The following JAZF1 variants were observed in gnomAD, a reference collection of about 807,000 sequenced individuals.
The protein encoded by JAZF1 is juxtaposed with another zinc finger protein 1.
A neutral mutation model predicts 26.4 loss-of-function variants in JAZF1; 8 were observed. The observed-to-expected ratio is 0.30, with a 90% CI of 0.18 to 0.55. The LOEUF is 0.55. JAZF1 is among the 20% of genes least tolerant of loss of function. The probability of loss-of-function intolerance (pLI) is 0.94; values close to 1 mark genes in which losing one functional copy is unlikely to be tolerated. For synonymous variants in JAZF1, 126 were observed against 122.3 expected, an observed-to-expected ratio of 1.03 and a Z score of -0.20; for missense variants, 199 against 322.0, an observed-to-expected ratio of 0.62 and a Z score of 2.92.
chr7:27,959,771 G>A (rs994707853), intron 2 of JAZF1, among the ~76,000 whole-genome samples: 2 of 152,038 alleles, frequency 1.3e-5, no homozygotes, highest in African/African-American at 4.8e-5. Context: ...ATGTTGGTGG[G>A]TGCCTGTAAT....
intron 2 of JAZF1, among the ~76,000 whole-genome samples, chr7:27,902,754 C>T (rs1214945705): frequency 6.6e-6 from 1 of 152,150 alleles, no homozygotes; most frequent in Admixed American, 6.5e-5. Context: ...CGGTGGCTCA[C>T]GCCTGTAATC....
chr7:27,986,988 G>T (rs1373416088), intron 2 of JAZF1, among the ~76,000 whole-genome samples: 1 of 152,108 alleles, frequency 6.6e-6, no homozygotes, highest in Non-Finnish European at 1.5e-5. Flanking sequence ...GTGCAGTGGC[G>T]TGATCTCGGC....
At chr7:27,934,564 C>T (rs1347398320) in intron 2 of JAZF1, among the ~76,000 whole-genome samples, 2 of 152,076 alleles carry the variant, frequency 1.3e-5, no homozygotes, top group African/African-American at 4.8e-5. Flanking sequence ...ACAGATGGTA[C>T]ACCTTGGCGG....
At chr7:28,095,708 C>T (rs746803860) in intron 1 of JAZF1, among the ~76,000 whole-genome samples, 12 of 152,138 alleles carry the variant, frequency 7.9e-5, no homozygotes, top group Non-Finnish European at 1.8e-4. Flanking sequence ...AATCATGGTC[C>T]CCTCCGCTGA....
chr7:28,009,568 C>A (rs1218209998), intron 1 of JAZF1, among the ~76,000 whole-genome samples: 1 of 151,944 alleles, frequency 6.6e-6, no homozygotes, highest in Non-Finnish European at 1.5e-5. Flanking sequence ...ACTGCAACCT[C>A]CGCCTCCCAG....
At chr7:28,043,988 G>A (rs986606030) in intron 1 of JAZF1, among the ~76,000 whole-genome samples, 1 of 152,132 alleles carries the variant, frequency 6.6e-6, no homozygotes, top group African/African-American at 2.4e-5. Flanking sequence ...GGGGAGGGTG[G>A]AGTAGGAAGA....
intron 2 of JAZF1, among the ~76,000 whole-genome samples, chr7:27,916,707 C>T (rs1784447541): frequency 6.6e-6 from 1 of 152,118 alleles, no homozygotes; most frequent in Non-Finnish European, 1.5e-5. Context: ...AAAATGCAAA[C>T]AACATGGCAC....
intron 3 of JAZF1, among the ~76,000 whole-genome samples, chr7:27,850,643 C>T (rs1783127559): frequency 6.6e-6 from 1 of 152,172 alleles, no homozygotes; most frequent in Non-Finnish European, 1.5e-5. Context: ...CAAGATAACA[C>T]AGCTTCAACT....
At chr7:28,011,283 A>G (rs1782793869) in intron 1 of JAZF1, among the ~76,000 whole-genome samples, 1 of 152,232 alleles carries the variant, frequency 6.6e-6, no homozygotes, top group Admixed American at 6.5e-5. Flanking sequence ...TAGTCTCTTG[A>G]AAGTTTACAT....
intron 1 of JAZF1, among the ~76,000 whole-genome samples, chr7:28,137,668 C>T (rs929202568): frequency 1.3e-5 from 2 of 152,134 alleles, no homozygotes; most frequent in Admixed American, 1.3e-4. Flanking sequence ...GATGCCTCCC[C>T]CTCTCCACAG....
At chr7:28,018,102 G>A (rs918681705) in intron 1 of JAZF1, among the ~76,000 whole-genome samples, 1 of 152,210 alleles carries the variant, frequency 6.6e-6, no homozygotes, top group Non-Finnish European at 1.5e-5. Context: ...CAACACGGAG[G>A]ATAGGAAAAG....
At chr7:27,944,249 G>C (rs1270101847) in intron 2 of JAZF1, among the ~76,000 whole-genome samples, 3 of 152,236 alleles carry the variant, frequency 2.0e-5, no homozygotes, top group African/African-American at 7.2e-5. Flanking sequence ...CATATCTGTA[G>C]TCTCTGTATT....
chr7:28,064,046 C>T (rs1783840603), intron 1 of JAZF1, among the ~76,000 whole-genome samples: 1 of 151,868 alleles, frequency 6.6e-6, no homozygotes, highest in Admixed American at 6.6e-5. Context: ...TAAAAGGTCA[C>T]ACCAGTCTAA....
chr7:28,080,516 G>A (rs1784118363), intron 1 of JAZF1, among the ~76,000 whole-genome samples: 1 of 152,200 alleles, frequency 6.6e-6, no homozygotes, highest in South Asian at 2.1e-4. Flanking sequence ...CTTTCAACAT[G>A]CCTTCCTCAC....
intron 1 of JAZF1, among the ~76,000 whole-genome samples, chr7:28,145,771 T>C (rs1783018183): frequency 6.6e-6 from 1 of 152,134 alleles, no homozygotes; most frequent in African/African-American, 2.4e-5. Flanking sequence ...CTTGTGCTTC[T>C]TCGTACAATC....
At chr7:28,106,516 CT>C (rs1205259054) in intron 1 of JAZF1, among the ~76,000 whole-genome samples, 2 of 152,154 alleles carry the variant, frequency 1.3e-5, no homozygotes, top group South Asian at 4.1e-4. Flanking sequence ...ACACCCAAGC[CT>C]TCTGCCAAGC....
chr7:27,943,176 A>AG (rs750857332), intron 2 of JAZF1, among the ~76,000 whole-genome samples: 15 of 152,182 alleles, frequency 9.9e-5, no homozygotes, highest in Non-Finnish European at 2.1e-4. Context: ...CCAGAATAGA[A>AG]GGGGACTGTC....
chr7:27,843,578 G>C (rs1782962548), intron 3 of JAZF1: 1 of 152,240 alleles, frequency 6.6e-6, no homozygotes, highest in African/African-American at 2.4e-5. Context: ...TTCCAAAAGG[G>C]TTGGGAATCC....
At chr7:27,846,190 A>G (rs934151970) in intron 3 of JAZF1, among the ~76,000 whole-genome samples, 9 of 152,108 alleles carry the variant, frequency 5.9e-5, no homozygotes, top group African/African-American at 1.9e-4. Context: ...TCCACATATA[A>G]GTGAGATCAT....
Sources: gnomAD v4.1 joint callset for allele counts (sites outside exome capture counted in the v4.1 genomes callset) on GRCh38, gnomAD v4.1.1 for gene constraint, MANE v1.5 for transcripts, NCBI Gene and HGNC (gene_info 2026-07-23, HGNC 2026-07-21) for gene names.